SCNN1B: variants seen among roughly 807,000 people sequenced by gnomAD.
SCNN1B encodes epithelial sodium channel subunit beta.
Under a neutral mutation model 65.3 loss-of-function variants are expected in SCNN1B, and 46 were observed. The ratio of observed to expected loss-of-function variants is 0.70; its 90% CI spans 0.56 to 0.90. SCNN1B has a LOEUF of 0.90. Among genes scored for constraint, SCNN1B ranks in the 40% least tolerant of loss-of-function variants. The pLI is 0.00. For missense variants in SCNN1B, 751 were observed against 830.5 expected, an observed-to-expected ratio of 0.90 and a Z score of 1.18; for synonymous variants, 349 against 330.6, an observed-to-expected ratio of 1.06 and a Z score of -0.60.
chr16:23,311,673 G>C (rs989960132), intron 1 of SCNN1B, among the ~76,000 whole-genome samples: 1 of 152,212 alleles, frequency 6.6e-6, no homozygotes, highest in African/African-American at 2.4e-5. Context: ...GGCAGGTTGG[G>C]TTAGGGAGCG....
At chr16:23,337,593 G>T (rs1218008451) in intron 1 of SCNN1B, among the ~76,000 whole-genome samples, 3 of 151,804 alleles carry the variant, frequency 2.0e-5, no homozygotes, top group African/African-American at 7.3e-5. Flanking sequence ...GACCAGGCTG[G>T]TCTCGAATTC....
At chr16:23,315,331 C>A (rs1408973799) in intron 1 of SCNN1B, among the ~76,000 whole-genome samples, 1 of 151,410 alleles carries the variant, frequency 6.6e-6, no homozygotes, top group African/African-American at 2.4e-5. Context: ...GAGCGAAAGT[C>A]TGTCTCAAAA....
chr16:23,315,972 CCATCCTCACCATCAT>C lies in SCNN1B; in HGVS notation c.-9+13537_-9+13551del, dbSNP rs564629287. On this transcript the variant is annotated intron_variant, in intron 1 of 12. Coordinates refer to ENST00000343070, the MANE Select transcript of SCNN1B (RefSeq NM_000336.3). ...TTCCCCTCATCACCTCTCACCATCA[CCATCCTCACCATCAT>C]CGCCATCATCATCATCACCACCATC... 2.8e-3 allele frequency among the ~76,000 whole-genome samples: 421 copies of C among 151,992 alleles called. 2 individuals are homozygous for C. Among genetic ancestry groups the C allele is most frequent in the African/African-American group, 9.8e-3 (406 of 41,388 alleles).
intron 1 of SCNN1B, among the ~76,000 whole-genome samples, chr16:23,338,402 C>A (rs1961987554): frequency 6.6e-6 from 1 of 152,186 alleles, no homozygotes; most frequent in Non-Finnish European, 1.5e-5. Flanking sequence ...GTTGCCCTTG[C>A]AGAGGCAGAA....
At chr16:23,281,847 C>G (rs1445015018) in intron 1 of SCNN1B, among the ~76,000 whole-genome samples, 1 of 152,168 alleles carries the variant, frequency 6.6e-6, no homozygotes, top group African/African-American at 2.4e-5. Context: ...TTGGGCAAAT[C>G]ACTTAACCTC....
intron 1 of SCNN1B, among the ~76,000 whole-genome samples, chr16:23,332,705 A>C (rs1441419023): frequency 2.6e-5 from 4 of 152,166 alleles, no homozygotes; most frequent in Non-Finnish European, 5.9e-5. Context: ...ACCTGCTGAC[A>C]TGGTGAGGAT....
At chr16:23,351,850 C>T (rs956878703) in intron 2 of SCNN1B, among the ~76,000 whole-genome samples, 1 of 151,958 alleles carries the variant, frequency 6.6e-6, no homozygotes, top group African/African-American at 2.4e-5. Flanking sequence ...TTGAAACTGG[C>T]TCCTGTTCCC....
chr16:23,297,374 T>C (rs1300337133), upstream of SCNN1B, among the ~76,000 whole-genome samples: 2 of 152,230 alleles, frequency 1.3e-5, no homozygotes, highest in African/African-American at 2.4e-5. Context: ...GATACAATTT[T>C]CACCAGAATC....
At chr16:23,299,886 G>C (rs1405986301), upstream of SCNN1B, among the ~76,000 whole-genome samples, 1 of 152,184 alleles carries the variant, frequency 6.6e-6, no homozygotes, top group Non-Finnish European at 1.5e-5. Flanking sequence ...AAAGACACAT[G>C]CACATGTATG....
intron 1 of SCNN1B, among the ~76,000 whole-genome samples, chr16:23,340,477 G>C (rs1048076477): frequency 6.6e-6 from 1 of 152,118 alleles, no homozygotes; most frequent in African/African-American, 2.4e-5. Context: ...TAGGAGTTAA[G>C]ATTCCCTTTT....
chr16:23,292,902 G>A (rs1001244652), intron 2 of SCNN1B, among the ~76,000 whole-genome samples: 19 of 150,740 alleles, frequency 1.3e-4, no homozygotes, highest in African/African-American at 4.4e-4. Flanking sequence ...ATCACTTGAG[G>A]TCAGGAGTTC....
At chr16:23,303,671 C>T (rs1961131988) in intron 1 of SCNN1B, among the ~76,000 whole-genome samples, 1 of 151,548 alleles carries the variant, frequency 6.6e-6, no homozygotes, top group Non-Finnish European at 1.5e-5. Context: ...TGATGCAACC[C>T]TTGGGAGGCT....
chr16:23,361,661 T>G (rs1489299478), intron 4 of SCNN1B, among the ~76,000 whole-genome samples: 4 of 152,264 alleles, frequency 2.6e-5, no homozygotes, highest in Non-Finnish European at 5.9e-5. Flanking sequence ...AGCACCTGTG[T>G]GCCTTTGATA....
At chr16:23,378,031 C>G (rs1567319764) in intron 10 of SCNN1B, among the ~76,000 whole-genome samples, 1 of 152,100 alleles carries the variant, frequency 6.6e-6, no homozygotes, top group African/African-American at 2.4e-5. Flanking sequence ...TTTTTGGAGA[C>G]AGGGGCTTCC....
chr16:23,345,628 G>A lies in SCNN1B; in HGVS notation c.-8-2964G>A, dbSNP rs187369762. On this transcript the variant is annotated intron_variant, in intron 1 of 12. Transcript: ENST00000343070. ...CTCCTTCAGTTATTCCAATATAAAC[G>A]AATAGAATTGAGTCCTAATGTTCCA... Among the ~76,000 whole-genome samples, 5 of 152,280 alleles carry A rather than the reference G, an allele frequency of 3.3e-5. No individual in the cohort carries two copies. The East Asian group carries it at 5.8e-4, about 18-fold the overall frequency.
rs371686339 is a variant in SCNN1B, at chr16:23,377,229, G to C, written c.1335G>C (p.Lys445Asn). 7.1e-5 allele frequency: 114 copies of C among 1,614,118 alleles called. No individual in the cohort carries two copies. Among genetic ancestry groups the C allele is most frequent in the Non-Finnish European group, 9.5e-5 (112 of 1,180,052 alleles). The change falls in exon 9 of 13, where the codon AAG (lysine) becomes AAC (asparagine). Residue 445 changes from lysine (K) to asparagine (N), a missense_variant. Physicochemically the swap from Lys to Asn is moderately conservative, Grantham distance 94. Coordinates refer to ENST00000343070, the MANE Select transcript of SCNN1B (RefSeq NM_000336.3). ...GAGAGACCTGCATTGGCATGTGCAAGGAGTCCTGCAAGTGAGTGCGGGTGG... is the reference window on the plus strand; with the variant it reads ...GAGAGACCTGCATTGGCATGTGCAACGAGTCCTGCAAGTGAGTGCGGGTGG... ...AQRETCIGMC[K>N]ESCNDTQYKM...
intron 4 of SCNN1B, among the ~76,000 whole-genome samples, chr16:23,365,543 GAGAAAGAAGGAAAGAGAA>G (rs1448648167): frequency 5.6e-5 from 6 of 108,070 alleles, no homozygotes; most frequent in African/African-American, 1.0e-4. Flanking sequence ...GAGAAGGAAA[GAGAAAGAAGGAAAGAGAA>G]AGAAAGAAAG....
At chr16:23,299,396 A>T (rs1416880292), upstream of SCNN1B, among the ~76,000 whole-genome samples, 3 of 152,194 alleles carry the variant, frequency 2.0e-5, no homozygotes, top group African/African-American at 7.2e-5. Context: ...ATAGTCAAAT[A>T]TCAACAATTT....
rs142531781 is a variant in SCNN1B, at chr16:23,367,936, C to T, written c.857C>T (p.Ser286Leu). The change falls in exon 5 of 13, where the codon TCG (serine) becomes TTG (leucine). Residue 286 changes from serine to leucine, a missense_variant. By Grantham distance (145) the Ser-to-Leu change is moderately radical (BLOSUM62 -2). Transcript: ENST00000343070. ...GGCATGACAGAGAAGGCACTTCCTT[C>T]GGCCAACCCTGGAACTGAATTCGGT... ...NWGMTEKALPSANPGTEFGLK... is the reference protein window; with the variant it reads ...NWGMTEKALPLANPGTEFGLK... 290 of 1,613,876 alleles carry T rather than the reference C, an allele frequency of 1.8e-4. No homozygotes were observed. The highest frequency in any genetic ancestry group is 5.6e-4 in the East Asian group (25 of 44,902).
Sources: gnomAD v4.1 joint callset for allele counts (sites outside exome capture counted in the v4.1 genomes callset) on GRCh38, gnomAD v4.1.1 for gene constraint, MANE v1.5 for transcripts, NCBI Gene and HGNC (gene_info 2026-07-23, HGNC 2026-07-21) for gene names.